EXOC4: variants seen among roughly 807,000 people sequenced by gnomAD.
EXOC4 encodes the protein SEC8-like 1.
Under a neutral mutation model 107.2 loss-of-function variants are expected in EXOC4, and 71 were observed. The observed-to-expected ratio is 0.66, with a 90% CI of 0.55 to 0.81. The LOEUF (loss-of-function observed/expected upper bound fraction) is 0.81. Ranked by LOEUF, EXOC4 falls within the 30% of genes least tolerant of loss-of-function variation. The probability of loss-of-function intolerance (pLI) is 0.00; values close to 1 mark genes in which losing one functional copy is unlikely to be tolerated. For synonymous variants in EXOC4, 456 were observed against 441.2 expected, an observed-to-expected ratio of 1.03 and a Z score of -0.42; for missense variants, 1,108 against 1,189.6, an observed-to-expected ratio of 0.93 and a Z score of 1.01.
chr7:133,884,154 A>G (rs528435053), intron 11 of EXOC4, among the ~76,000 whole-genome samples: 4 of 152,320 alleles, frequency 2.6e-5, no homozygotes, highest in South Asian at 4.1e-4. Flanking sequence ...GTTAACCTCA[A>G]TAGGAAAGGC....
At chr7:133,924,267 C>T (rs533017135) in intron 13 of EXOC4, among the ~76,000 whole-genome samples, 122 of 152,260 alleles carry the variant, frequency 8.0e-4, no homozygotes, top group African/African-American at 2.9e-3. Context: ...ATTATTTTTT[C>T]CCAACTTTAC....
intron 11 of EXOC4, among the ~76,000 whole-genome samples, chr7:133,890,500 C>T (rs1432424734): frequency 4.3e-5 from 6 of 140,176 alleles, no homozygotes; most frequent in Admixed American, 6.9e-5. Flanking sequence ...TCCTTGCCCA[C>T]GCCTATGTCC....
At chr7:133,851,368 G>A (rs1372708453) in intron 11 of EXOC4, among the ~76,000 whole-genome samples, 1 of 152,216 alleles carries the variant, frequency 6.6e-6, no homozygotes, top group Non-Finnish European at 1.5e-5. Context: ...TTTATAAATA[G>A]AGACAGGGCC....
chr7:133,954,305 G>A (rs1026353172), intron 14 of EXOC4, among the ~76,000 whole-genome samples: 1 of 152,174 alleles, frequency 6.6e-6, no homozygotes, highest in African/African-American at 2.4e-5. Flanking sequence ...ATATTATTTG[G>A]AATACGGATT....
chr7:133,797,017 C>T (rs1326410465), intron 10 of EXOC4, among the ~76,000 whole-genome samples: 2 of 152,174 alleles, frequency 1.3e-5, no homozygotes, highest in Non-Finnish European at 2.9e-5. Context: ...GAGAAGCATA[C>T]AGCTATAGCA....
intron 10 of EXOC4, among the ~76,000 whole-genome samples, chr7:133,706,238 C>T (rs1432847489): frequency 6.6e-6 from 1 of 152,050 alleles, no homozygotes; most frequent in Non-Finnish European, 1.5e-5. Flanking sequence ...GTTCCATTAG[C>T]CTCAATATAA....
intron 5 of EXOC4, among the ~76,000 whole-genome samples, chr7:133,325,592 A>G (rs906403363): frequency 2.0e-5 from 3 of 152,180 alleles, no homozygotes; most frequent in African/African-American, 4.8e-5. Context: ...TGTTAGTCTG[A>G]TGGGCTTCCC....
chr7:133,586,588 G>T (rs1801410190), intron 9 of EXOC4, among the ~76,000 whole-genome samples: 1 of 152,122 alleles, frequency 6.6e-6, no homozygotes, highest in African/African-American at 2.4e-5. Context: ...CCATACATGT[G>T]CATGTATCTT....
At chr7:133,870,012 G>A (rs1419533345) in intron 11 of EXOC4, among the ~76,000 whole-genome samples, 1 of 152,126 alleles carries the variant, frequency 6.6e-6, no homozygotes, top group Non-Finnish European at 1.5e-5. Context: ...TTGGCAGTTT[G>A]GAGTAATGAG....
intron 10 of EXOC4, among the ~76,000 whole-genome samples, chr7:133,704,898 G>A (rs1794735792): frequency 1.3e-5 from 2 of 152,150 alleles, no homozygotes; most frequent in Non-Finnish European, 2.9e-5. Context: ...TTTTGGATTA[G>A]GGTTGCTCAA....
intron 9 of EXOC4, among the ~76,000 whole-genome samples, chr7:133,621,672 C>T (rs926484336): frequency 9.2e-5 from 14 of 152,188 alleles, no homozygotes; most frequent in Non-Finnish European, 2.1e-4. Flanking sequence ...CTAGGGAGGA[C>T]CAAAAGGATC....
At chr7:134,027,767 G>A (rs1795176551) in intron 17 of EXOC4, among the ~76,000 whole-genome samples, 1 of 151,964 alleles carries the variant, frequency 6.6e-6, no homozygotes, top group African/African-American at 2.4e-5. Context: ...TAAGAATAGA[G>A]TCCTGGTTGG....
intron 12 of EXOC4, among the ~76,000 whole-genome samples, chr7:133,915,901 TC>T (rs998005547): frequency 2.0e-5 from 3 of 152,206 alleles, no homozygotes; most frequent in African/African-American, 7.2e-5. Flanking sequence ...GAATCTGTTT[TC>T]CTCCTGCCTC....
chr7:133,505,701 T>G (rs1338362448), intron 9 of EXOC4, among the ~76,000 whole-genome samples: 2 of 152,182 alleles, frequency 1.3e-5, no homozygotes, highest in Non-Finnish European at 2.9e-5. Flanking sequence ...GGTTTTCAGA[T>G]TTTTCTCTAA....
chr7:133,849,281 A>G (rs1798195106), intron 11 of EXOC4, among the ~76,000 whole-genome samples: 1 of 152,142 alleles, frequency 6.6e-6, no homozygotes, highest in South Asian at 2.1e-4. Flanking sequence ...TTAGCTGGGC[A>G]TGGTGGCACA....
intron 9 of EXOC4, among the ~76,000 whole-genome samples, chr7:133,540,364 T>C (rs985717841): frequency 1.3e-5 from 2 of 152,162 alleles, no homozygotes; most frequent in Non-Finnish European, 2.9e-5. Context: ...AGAAATTTCT[T>C]AGGAACATAC....
chr7:133,788,750 C>T (rs933784635), intron 10 of EXOC4, among the ~76,000 whole-genome samples: 2 of 152,182 alleles, frequency 1.3e-5, no homozygotes, highest in South Asian at 4.1e-4. Context: ...GCCTCGGCCT[C>T]CCAAAGTGCT....
the EXOC4 span, among the ~76,000 whole-genome samples, chr7:134,073,073 G>A: frequency 1.3e-5 from 2 of 151,634 alleles, no homozygotes; most frequent in African/African-American, 2.4e-5. Context: ...GGGCATAGTG[G>A]CGGGTGCTTA....
At chr7:133,485,040 A>G (rs926521251) in intron 9 of EXOC4, among the ~76,000 whole-genome samples, 9 of 145,732 alleles carry the variant, frequency 6.2e-5, no homozygotes, top group African/African-American at 2.3e-4. Flanking sequence ...AGATCGCGCC[A>G]CTGTACTCCA....
Sources: allele counts gnomAD v4.1 joint callset (sites outside exome capture counted in the v4.1 genomes callset), GRCh38; gene constraint gnomAD v4.1.1; transcripts MANE v1.5; gene names NCBI Gene and HGNC (gene_info 2026-07-23, HGNC 2026-07-21).